The following RGPD3 variants were observed in gnomAD, a reference collection of about 807,000 sequenced individuals.
RGPD3 encodes ranBP2-like and GRIP domain-containing protein 3.
RGPD3 carries 62 observed loss-of-function variants against 154.5 expected under a neutral mutation model. The ratio of observed to expected loss-of-function variants is 0.40; its 90% confidence interval spans 0.33 to 0.50. The LOEUF is 0.50. RGPD3 is among the 20% of genes least tolerant of loss of function. The pLI is 0.59. For synonymous variants in RGPD3, 308 were observed against 607.0 expected (o/e 0.51, Z 7.24); for missense variants, 919 against 1,716.8 (o/e 0.54, Z 8.21).
intron 22 of RGPD3, among the ~76,000 whole-genome samples, chr2:106,411,073 G>T (rs1676656495): frequency 6.6e-6 from 1 of 150,532 alleles, no homozygotes; most frequent in South Asian, 2.1e-4. Context: ...ATGGGCCCCA[G>T]ACCAGAAGTA....
At chr2:106,449,957 C>G (rs1169086258) in intron 6 of RGPD3, among the ~76,000 whole-genome samples, 1 of 150,426 alleles carries the variant, frequency 6.6e-6, no homozygotes, top group African/African-American at 2.4e-5. Flanking sequence ...ACACAGCTTG[C>G]AGTGAGCCGA....
In RGPD3 at chr2:106,417,679, T is replaced by C. The variant is rs543413552; in HGVS notation, c.4925-1690A>G. On this transcript the variant is annotated intron_variant, in intron 20 of 22. Coordinates refer to ENST00000409886, the MANE Select transcript of RGPD3 (RefSeq NM_001144013.2). ...TTGAGAGGAAACTGGGCCTATTAGA[T>C]TTTTTTTAAAGGTTAAGTATGAGAT... 2.7e-5 allele frequency among the ~76,000 whole-genome samples: 4 copies of C among 150,812 alleles called. No homozygotes were observed. The South Asian group carries it at 8.3e-4, about 31-fold the overall frequency.
rs1436682843 is a variant in RGPD3, at chr2:106,434,092, C to A, written c.2205+136G>T. 10 of 1,386,722 alleles carry A rather than the reference C, an allele frequency of 7.2e-6. No individual in the cohort carries two copies. The East Asian group carries it at 2.0e-4, about 27-fold the overall frequency. The allele number at this position is 1,386,722 out of a possible 1,614,324, so 85.9% of individuals were successfully genotyped here. ...AAGCAAGCAAATCTAAGCATTTAGA[C>A]ACACACATCCCTTCTGTGCATTAAT... On this transcript the variant is annotated intron_variant, in intron 15 of 22. Transcript: ENST00000409886.
chr2:106,462,535 C>G (rs887260452), intron 1 of RGPD3, among the ~76,000 whole-genome samples: 3 of 151,452 alleles, frequency 2.0e-5, no homozygotes, highest in Admixed American at 1.3e-4. Flanking sequence ...TGCCAAATAT[C>G]AAGAACTGAT....
At chr2:106,443,716 C>T (rs1342431038) in intron 7 of RGPD3, among the ~76,000 whole-genome samples, 3 of 114,350 alleles carry the variant, frequency 2.6e-5, no homozygotes, top group East Asian at 2.2e-4. Flanking sequence ...GATGGAGTCT[C>T]GCTCTGTTGC....
At chr2:106,463,995 G>A (rs1250118036) in intron 1 of RGPD3, among the ~76,000 whole-genome samples, 1 of 152,096 alleles carries the variant, frequency 6.6e-6, no homozygotes, top group Non-Finnish European at 1.5e-5. Context: ...GAAAGAATGA[G>A]GGGCAAACCA....
At position 106,415,298 on chromosome 2, in the gene RGPD3, T is replaced by C. The variant is rs957100264; in HGVS notation, c.5064+552A>G. Among the ~76,000 whole-genome samples, 20 of 151,828 alleles carry C rather than the reference T, an allele frequency of 1.3e-4. 1 individual carries two copies. The highest frequency in any genetic ancestry group is 1.1e-3 in the Admixed American group (17 of 15,210). ...ATTTAAGCATATGTGAACAATGATTTGTGAACATCTCTCTAGTTTCTAAAT... is the reference window on the plus strand; with the variant it reads ...ATTTAAGCATATGTGAACAATGATTCGTGAACATCTCTCTAGTTTCTAAAT... On this transcript the variant is annotated intron_variant, in intron 21 of 22. Coordinates refer to ENST00000409886, the MANE Select transcript of RGPD3 (RefSeq NM_001144013.2).
chr2:106,433,030 A>T lies in RGPD3; in HGVS notation c.2386-12T>A. The T allele has an allele frequency of 6.2e-7, 1 of 1,610,866 alleles. No homozygotes were observed. Among genetic ancestry groups the T allele is most frequent in the Non-Finnish European group, 8.5e-7 (1 of 1,179,714 alleles). On this transcript the variant is annotated splice_polypyrimidine_tract_variant and intron_variant, in intron 16 of 22. Coordinates refer to ENST00000409886, the MANE Select transcript of RGPD3 (RefSeq NM_001144013.2). ...GTTTTGGGAGAATACTAAAAAAAAA[A>T]TAAAAATAACAAAAGAGCATTTAAA...
chr2:106,404,032 C>T lies in RGPD3; in HGVS notation c.*1187G>A, dbSNP rs1397085870. Among the ~76,000 whole-genome samples, 1 of 152,152 alleles carries T rather than the reference C, an allele frequency of 6.6e-6. No homozygotes were observed. Among genetic ancestry groups the T allele is most frequent in the Non-Finnish European group, 1.5e-5 (1 of 68,050 alleles). The stretch of plus-strand genomic sequence containing the variant: ...GTCATTAAAACATATGCAGCGGTGT[C>T]AAAGGCAAGTAACACTACCACCTAA... On this transcript the variant is annotated 3_prime_UTR_variant, in exon 23 of 23. Transcript: ENST00000409886.
In RGPD3 at chr2:106,421,926, G is replaced by C. The variant is rs1418135617; in HGVS notation, c.4924+1117C>G. ...AAGGGTGTCATGCCACCAGTCAAAA[G>C]GTACTTTGCTTAAACTGGCATTCTT... On this transcript the variant is annotated intron_variant, in intron 20 of 22. Transcript: ENST00000409886. 1.2e-4 allele frequency among the ~76,000 whole-genome samples: 18 copies of C among 151,272 alleles called. No homozygotes were observed. The East Asian group carries it at 3.5e-3, about 29-fold the overall frequency.
Position 106,426,762 on chromosome 2 carries a change from T to G in RGPD3, c.2606-674A>C, listed in dbSNP as rs569644806. ...ATTTGCTTGAACTGTTTTATGATAG[T>G]TTTACCAGAAAACAACCAAAAGATC... On this transcript the variant is annotated intron_variant, in intron 18 of 22. Transcript: ENST00000409886. Among the ~76,000 whole-genome samples, 9 of 152,358 alleles carry G rather than the reference T, an allele frequency of 5.9e-5. No individual in the cohort carries two copies. In the South Asian group the frequency reaches 1.4e-3, roughly 25 times the overall value.
chr2:106,434,167 C>G, intron 15 of RGPD3, 61 bp downstream of exon 15: 2 of 1,595,770 alleles, frequency 1.3e-6, no homozygotes, highest in African/African-American at 1.3e-5. Context: ...ATAAGACCAA[C>G]GCAAAAACAC....
intron 20 of RGPD3, among the ~76,000 whole-genome samples, chr2:106,417,730 T>C (rs1676860752): frequency 6.6e-6 from 1 of 150,914 alleles, no homozygotes. Flanking sequence ...GATTCGGCCT[T>C]ACAGAGGTAC....
In RGPD3 at chr2:106,448,269, C is replaced by T. The variant is rs1292015933; in HGVS notation, c.783-656G>A. ...ATTACAGGCACCTGCCACCATGCCC[C>T]GCTAAACTTTTTTTATATTTTTAGT... is the stretch of plus-strand genomic sequence containing the variant. On this transcript the variant is annotated intron_variant, in intron 6 of 22. Coordinates refer to ENST00000409886, the MANE Select transcript of RGPD3 (RefSeq NM_001144013.2). Among the ~76,000 whole-genome samples, 30 of 152,080 alleles carry T rather than the reference C, an allele frequency of 2.0e-4. No individual in the cohort carries two copies. In the East Asian group the frequency reaches 3.6e-3, roughly 18 times the overall value.
chr2:106,468,205 A>C lies in RGPD3; in HGVS notation c.72+12T>G, dbSNP rs1678704291. 6.2e-7 allele frequency: 1 copy of C among 1,602,154 alleles called. No individual in the cohort carries two copies. Among genetic ancestry groups the C allele is most frequent in the South Asian group, 1.1e-5 (1 of 89,168 alleles). On this transcript the variant is annotated intron_variant, in intron 1 of 22. Coordinates refer to ENST00000409886, the MANE Select transcript of RGPD3 (RefSeq NM_001144013.2). ...CAGGTCGAGGCCGTCGGTCTCTTCC[A>C]GACCCACTCACCTTTCGAGGCGACG...
rs371212626 is a variant in RGPD3 at position 106,417,594 on chromosome 2, G to A, written c.4925-1605C>T. Among the ~76,000 whole-genome samples the A allele has an allele frequency of 5.4e-4, 81 of 149,970 alleles. 1 individual carries two copies. In the East Asian group the frequency reaches 0.014, roughly 25 times the overall value. ...CTTCTCCCTCTTCCCGGGTTACAGT[G>A]TGCATGTCTAGAAGCGGGAGGTCTG... On this transcript the variant is annotated intron_variant, in intron 20 of 22. Transcript: ENST00000409886.
At chr2:106,468,436 A>G (rs376397505), upstream of RGPD3, 7,728 of 1,475,954 alleles carry the variant, frequency 5.2e-3, 418 homozygotes, top group South Asian at 0.091. Flanking sequence ...TCCTGCGTCA[A>G]CAGTGTGTGG....
At position 106,425,086 on chromosome 2, in the gene RGPD3, C is replaced by T; in HGVS notation, c.2881G>A (p.Val961Met). The change falls in exon 20 of 23, where the codon GTG becomes ATG. Residue 961 changes from valine to methionine, a missense_variant. By Grantham distance (21) the Val-to-Met change is conservative. Coordinates refer to ENST00000409886, the MANE Select transcript of RGPD3 (RefSeq NM_001144013.2). ...DISGRKKGRG[V>M]IFGQTSSTFT... Reference sequence around the variant, plus strand: ...GTGCTACTTGTTTGGCCAAAAATCACACCACGGCCCTTCTTCCGGCCACTA... The same window carrying T: ...GTGCTACTTGTTTGGCCAAAAATCATACCACGGCCCTTCTTCCGGCCACTA... 3 of 1,611,984 alleles carry T rather than the reference C, an allele frequency of 1.9e-6. No homozygotes were observed. Among genetic ancestry groups the T allele is most frequent in the East Asian group, 2.2e-5 (1 of 44,880 alleles).
intron 1 of RGPD3, 119 bp downstream of exon 1, chr2:106,468,098 G>T: frequency 7.5e-7 from 1 of 1,325,892 alleles, no homozygotes; most frequent in South Asian, 1.4e-5. Flanking sequence ...CACAGAGCGC[G>T]CCAGGGAGCA....
Sources: allele counts gnomAD v4.1 joint callset (sites outside exome capture counted in the v4.1 genomes callset), GRCh38; gene constraint gnomAD v4.1.1; transcripts MANE v1.5; gene names NCBI Gene and HGNC (gene_info 2026-07-23, HGNC 2026-07-21).